The following PPARGC1A variants were observed in gnomAD, a reference collection of about 807,000 sequenced individuals.
PPARGC1A encodes the protein PPARG coactivator 1 alpha.
In PPARGC1A, 25 loss-of-function variants were observed where a neutral mutation model predicts 88.7. The observed-to-expected ratio is 0.28, with a 90% CI of 0.21 to 0.39. The LOEUF is 0.39. PPARGC1A is among the 10% of genes least tolerant of loss of function. The pLI, the probability that PPARGC1A is intolerant of heterozygous loss-of-function variation, is 1.00. For missense variants in PPARGC1A, 880 were observed against 968.7 expected, an observed-to-expected ratio of 0.91 and a Z score of 1.22; for synonymous variants, 363 against 355.6, an observed-to-expected ratio of 1.02 and a Z score of -0.24.
chr4:24,361,880 TAC>T, the PPARGC1A span, among the ~76,000 whole-genome samples: 531 of 152,278 alleles, frequency 3.5e-3, 1 homozygote, highest in Non-Finnish European at 5.0e-3. Flanking sequence ...AGGAGAAACA[TAC>T]AGTCTGATTG....
At chr4:24,405,283 G>GT in the PPARGC1A span, among the ~76,000 whole-genome samples, 32 of 149,988 alleles carry the variant, frequency 2.1e-4, no homozygotes, top group African/African-American at 4.6e-4. Flanking sequence ...TGAAAAGGTG[G>GT]TTTTTTTTTT....
chr4:24,391,367 C>CA, the PPARGC1A span, among the ~76,000 whole-genome samples: 1 of 152,104 alleles, frequency 6.6e-6, no homozygotes, highest in Non-Finnish European at 1.5e-5. Flanking sequence ...TCTAAACCTA[C>CA]AAAAAGTCTA....
At chr4:24,166,272 T>C in the PPARGC1A span, among the ~76,000 whole-genome samples, 10 of 152,290 alleles carry the variant, frequency 6.6e-5, no homozygotes, top group East Asian at 1.9e-3. Context: ...TGGCAGGGGT[T>C]AGTTCATGAG....
At chr4:24,273,452 G>A in the PPARGC1A span, among the ~76,000 whole-genome samples, 1 of 152,246 alleles carries the variant, frequency 6.6e-6, no homozygotes, top group Non-Finnish European at 1.5e-5. Context: ...CTCTTTCCTG[G>A]GACTGGGACC....
the PPARGC1A span, among the ~76,000 whole-genome samples, chr4:24,184,693 C>G: frequency 2.0e-5 from 3 of 152,326 alleles, no homozygotes; most frequent in East Asian, 3.9e-4. Flanking sequence ...CGTGCACCCT[C>G]TATTTCATCC....
the PPARGC1A span, among the ~76,000 whole-genome samples, chr4:24,370,783 C>CTTTTTTTTTTTTTTTTTTTTT: frequency 4.2e-4 from 27 of 64,452 alleles, no homozygotes; most frequent in African/African-American, 4.5e-4. Flanking sequence ...TTTTTTTTTA[C>CTTTTTTTTTTTTTTTTTTTTT]TTTAAGTTCT....
chr4:23,988,444 G>T, the PPARGC1A span, among the ~76,000 whole-genome samples: 2 of 151,992 alleles, frequency 1.3e-5, no homozygotes, highest in Non-Finnish European at 2.9e-5. Context: ...CCCCCAGCAT[G>T]TTCTTTCCTG....
At chr4:23,850,310 C>T (rs1729048177) in intron 2 of PPARGC1A, among the ~76,000 whole-genome samples, 1 of 152,122 alleles carries the variant, frequency 6.6e-6, no homozygotes, top group African/African-American at 2.4e-5. Context: ...TGGGAGCTGT[C>T]GCTAAAATAA....
chr4:23,847,962 G>C (rs1018887895), intron 2 of PPARGC1A, among the ~76,000 whole-genome samples: 6 of 152,132 alleles, frequency 3.9e-5, no homozygotes, highest in African/African-American at 1.4e-4. Flanking sequence ...AAGAGAAATA[G>C]CTAAAGTGTG....
the PPARGC1A span, among the ~76,000 whole-genome samples, chr4:24,062,332 T>A: frequency 2.6e-5 from 4 of 152,298 alleles, no homozygotes; most frequent in East Asian, 7.7e-4. Flanking sequence ...CTAGGTCAAA[T>A]GTTTTAGAAC....
the PPARGC1A span, among the ~76,000 whole-genome samples, chr4:24,438,655 A>G: frequency 6.6e-6 from 1 of 152,172 alleles, no homozygotes; most frequent in African/African-American, 2.4e-5. Context: ...TTTCCTCTCA[A>G]AAATACCACT....
chr4:23,881,392 G>C (rs1715906165), intron 2 of PPARGC1A: 1 of 152,098 alleles, frequency 6.6e-6, no homozygotes, highest in South Asian at 2.1e-4. Context: ...ATGTGCTATT[G>C]CATGTTGCTA....
At chr4:23,868,949 T>G (rs1712664639) in intron 2 of PPARGC1A, among the ~76,000 whole-genome samples, 1 of 152,240 alleles carries the variant, frequency 6.6e-6, no homozygotes, top group Admixed American at 6.5e-5. Flanking sequence ...ATTTTATCCC[T>G]GCTTCTGCAC....
chr4:23,824,263 T>G lies in PPARGC1A; in HGVS notation c.877+17A>C, dbSNP rs771468100. ...CAGACAGACACACACAAGTTCTAAG[T>G]GAAATATAAGGCTTACCTGCAGTTC... On this transcript the variant is annotated intron_variant, in intron 7 of 12. Transcript: ENST00000264867. 15 of 1,602,802 alleles carry G rather than the reference T, an allele frequency of 9.4e-6. No individual in the cohort carries two copies. The East Asian group carries it at 3.3e-4, about 36-fold the overall frequency.
the PPARGC1A span, among the ~76,000 whole-genome samples, chr4:24,080,918 AT>A: frequency 1.3e-5 from 2 of 151,880 alleles, no homozygotes; most frequent in Non-Finnish European, 2.9e-5. Flanking sequence ...GGGCTTTGAG[AT>A]TTTTTTCTTA....
At chr4:24,040,540 G>A in the PPARGC1A span, among the ~76,000 whole-genome samples, 4 of 152,146 alleles carry the variant, frequency 2.6e-5, 1 homozygote, top group South Asian at 4.1e-4. Flanking sequence ...TATTGGCTTC[G>A]GATATTGACT....
the PPARGC1A span, among the ~76,000 whole-genome samples, chr4:24,042,200 C>G: frequency 3.3e-5 from 5 of 152,270 alleles, no homozygotes; most frequent in African/African-American, 7.2e-5. Flanking sequence ...CATTCCCATG[C>G]CTGATCTCCA....
the PPARGC1A span, among the ~76,000 whole-genome samples, chr4:24,180,043 A>C: frequency 6.6e-6 from 1 of 152,166 alleles, no homozygotes; most frequent in East Asian, 1.9e-4. Flanking sequence ...CTATTCATTA[A>C]AACTTCTTCC....
At chr4:24,059,761 C>T in the PPARGC1A span, among the ~76,000 whole-genome samples, 1 of 152,170 alleles carries the variant, frequency 6.6e-6, no homozygotes, top group Non-Finnish European at 1.5e-5. Context: ...AATTTTCCTC[C>T]TAACCTCCCC....
Sources: gnomAD v4.1 joint callset for allele counts (sites outside exome capture counted in the v4.1 genomes callset) on GRCh38, gnomAD v4.1.1 for gene constraint, MANE v1.5 for transcripts, NCBI Gene and HGNC (gene_info 2026-07-23, HGNC 2026-07-21) for gene names.